The following DACH2 variants were observed in gnomAD, a reference collection of about 807,000 sequenced individuals.
The protein encoded by DACH2 is dachshund family transcription factor 2.
In DACH2, 17 loss-of-function variants were observed where a neutral mutation model predicts 35.8. That is an observed-to-expected ratio of 0.48 (90% CI 0.33 to 0.71). The LOEUF is 0.71. Ranked by LOEUF, DACH2 falls within the 30% of genes least tolerant of loss-of-function variation. The pLI, the probability that DACH2 is intolerant of heterozygous loss-of-function variation, is 0.02. For synonymous variants in DACH2, 195 were observed against 177.3 expected (o/e 1.10, Z -0.79); for missense variants, 469 against 472.7 (o/e 0.99, Z 0.07).
intron 1 of DACH2, among the ~76,000 whole-genome samples, chrX:86,357,368 T>C (rs1003249978): frequency 2.7e-5 from 3 of 112,357 alleles, no homozygotes; most frequent in Non-Finnish European, 5.6e-5. Flanking sequence ...GTGTTTTAGT[T>C]TTAGGGACTA....
chrX:86,285,975 T>A (rs770671738), intron 1 of DACH2, among the ~76,000 whole-genome samples: 1 of 82,667 alleles, frequency 1.2e-5, no homozygotes, highest in African/African-American at 4.5e-5. Context: ...TAAATGTAGG[T>A]ACTCATGCTC....
At position 86,415,992 on chromosome X, in the gene DACH2, A is replaced by G. The variant is rs983143383; in HGVS notation, c.527+39130A>G. Reference sequence around the variant, plus strand: ...TCTCAAGACATCAAAGCTCCTTCTGATAAGATTTCTGGTTTGAAGTCAAGC... The same window carrying G: ...TCTCAAGACATCAAAGCTCCTTCTGGTAAGATTTCTGGTTTGAAGTCAAGC... On this transcript the variant is annotated intron_variant, in intron 2 of 11. Transcript: ENST00000373125. Among the ~76,000 whole-genome samples the G allele has an allele frequency of 4.5e-5, 5 of 112,096 alleles. No individual in the cohort carries two copies. The Admixed American group carries it at 4.7e-4, about 11-fold the overall frequency.
At position 86,642,171 on chromosome X, in the gene DACH2, A is replaced by G. The variant is rs191241374; in HGVS notation, c.641-8865A>G. On this transcript the variant is annotated intron_variant, in intron 3 of 11. Coordinates refer to ENST00000373125, the MANE Select transcript of DACH2 (RefSeq NM_053281.3). ...TAAAAGGTACATAGTGGTAAGCTGGATAAAAAAGCAAGACCCCATAGTATT... is the reference window on the plus strand; with the variant it reads ...TAAAAGGTACATAGTGGTAAGCTGGGTAAAAAAGCAAGACCCCATAGTATT... Among the ~76,000 whole-genome samples the G allele has an allele frequency of 1.9e-3, 214 of 111,869 alleles. 2 individuals carry two copies. Among genetic ancestry groups the G allele is most frequent in the African/African-American group, 6.5e-3 (201 of 30,787 alleles).
chrX:86,799,212 C>T, intron 7 of DACH2: 2 of 248,666 alleles, frequency 8.0e-6, no homozygotes, highest in Non-Finnish European at 1.6e-5. Context: ...TTTCCTTCAT[C>T]ATTGCCACTG....
intron 2 of DACH2, among the ~76,000 whole-genome samples, chrX:86,401,797 G>T (rs1171644675): frequency 1.8e-5 from 2 of 108,666 alleles, no homozygotes; most frequent in African/African-American, 6.7e-5. Context: ...CAAAATACTA[G>T]TAAATTGAAT....
intron 4 of DACH2, among the ~76,000 whole-genome samples, chrX:86,677,158 T>C (rs906212062): frequency 2.7e-5 from 3 of 112,168 alleles, no homozygotes; most frequent in Non-Finnish European, 5.6e-5. Context: ...AGTCGCTGCC[T>C]AAACATATTT....
chrX:86,427,734 A>T (rs1439612968), intron 2 of DACH2, among the ~76,000 whole-genome samples: 2 of 112,053 alleles, frequency 1.8e-5, no homozygotes, highest in Non-Finnish European at 3.8e-5. Context: ...ATCTGTAAAA[A>T]GCAGCTACCA....
intron 7 of DACH2, among the ~76,000 whole-genome samples, chrX:86,787,499 T>C (rs1267177886): frequency 1.8e-5 from 2 of 110,035 alleles, no homozygotes; most frequent in Non-Finnish European, 3.8e-5. Flanking sequence ...GCACCTGCAA[T>C]TCTAGTTACT....
chrX:86,767,304 T>A lies in DACH2; in HGVS notation c.1240+27422T>A, dbSNP rs145389213. On this transcript the variant is annotated intron_variant, in intron 7 of 11. Coordinates refer to ENST00000373125, the MANE Select transcript of DACH2 (RefSeq NM_053281.3). ...AAGCAGTATTTGTTTCCTATACTAC[T>A]GTTAATTTGTATTTTACTTATGGCA... Among the ~76,000 whole-genome samples the A allele has an allele frequency of 3.9e-3, 440 of 111,926 alleles. 2 individuals are homozygous for A. Among genetic ancestry groups the A allele is most frequent in the African/African-American group, 0.014 (420 of 30,890 alleles).
chrX:86,633,973 G>A (rs900907345), intron 3 of DACH2, among the ~76,000 whole-genome samples: 6 of 112,211 alleles, frequency 5.3e-5, no homozygotes, highest in Non-Finnish European at 9.4e-5. Context: ...AATTTATGAA[G>A]AGAAGAGGTT....
At chrX:86,676,973 C>T in intron 4 of DACH2, among the ~76,000 whole-genome samples, 1 of 110,960 alleles carries the variant, frequency 9.0e-6, no homozygotes, top group Non-Finnish European at 1.9e-5. Flanking sequence ...TTCAAAGGCA[C>T]ACAGAGATAT....
intron 2 of DACH2, among the ~76,000 whole-genome samples, chrX:86,496,955 G>A (rs1644512556): frequency 8.9e-6 from 1 of 111,976 alleles, no homozygotes; most frequent in Non-Finnish European, 1.9e-5. Flanking sequence ...AGAGGAGGAA[G>A]GAAGGTGAAG....
intron 4 of DACH2, among the ~76,000 whole-genome samples, chrX:86,652,365 G>A (rs2040486870): frequency 1.8e-5 from 2 of 112,152 alleles, no homozygotes. Context: ...CATTCAGGTT[G>A]ATTCCATGTC....
intron 3 of DACH2, among the ~76,000 whole-genome samples, chrX:86,615,984 T>G (rs2039997289): frequency 9.0e-6 from 1 of 110,907 alleles, no homozygotes; most frequent in Admixed American, 9.7e-5. Context: ...TGTCCATGAG[T>G]TCTCATCATT....
At chrX:86,482,891 C>CA (rs1182266615) in intron 2 of DACH2, among the ~76,000 whole-genome samples, 1 of 98,943 alleles carries the variant, frequency 1.0e-5, no homozygotes, top group Non-Finnish European at 2.0e-5. Context: ...ATCGCAAGAA[C>CA]AAAAAACCAA....
chrX:86,192,387 C>G (rs573644577), intron 1 of DACH2, among the ~76,000 whole-genome samples: 2 of 112,024 alleles, frequency 1.8e-5, no homozygotes, highest in South Asian at 3.7e-4. Context: ...AATTAATTTT[C>G]TATTAAATAT....
At chrX:86,809,401 T>C (rs1294912776) in intron 7 of DACH2, among the ~76,000 whole-genome samples, 2 of 111,327 alleles carry the variant, frequency 1.8e-5, no homozygotes, top group Non-Finnish European at 3.8e-5. Flanking sequence ...GTGCACTTAT[T>C]TAAATTCTGA....
At chrX:86,356,041 T>C (rs1225205565) in intron 1 of DACH2, among the ~76,000 whole-genome samples, 1 of 111,750 alleles carries the variant, frequency 8.9e-6, no homozygotes, top group Non-Finnish European at 1.9e-5. Context: ...TAATATTTGG[T>C]CCAACTTGTC....
chrX:86,226,215 A>T (rs1020909163), intron 1 of DACH2, among the ~76,000 whole-genome samples: 6 of 112,067 alleles, frequency 5.4e-5, no homozygotes, highest in Middle Eastern at 4.6e-3. Context: ...CGTGTAAAAA[A>T]GTCAAATGAT....
Sources: gnomAD v4.1 joint callset for allele counts (sites outside exome capture counted in the v4.1 genomes callset) on GRCh38, gnomAD v4.1.1 for gene constraint, MANE v1.5 for transcripts, NCBI Gene and HGNC (gene_info 2026-07-23, HGNC 2026-07-21) for gene names.